The following MIPOL1 variants were observed in gnomAD, a reference collection of about 807,000 sequenced individuals.
MIPOL1 encodes the protein mirror-image polydactyly 1, also known as mirror-image polydactyly gene 1 protein.
Under a neutral mutation model 60.9 loss-of-function variants are expected in MIPOL1, and 57 were observed. The ratio of observed to expected loss-of-function variants is 0.94; its 90% CI spans 0.76 to 1.17. MIPOL1 has a LOEUF of 1.17. Ranked by LOEUF, MIPOL1 falls within the 50% of genes most tolerant of loss-of-function variation. MIPOL1 has a pLI of 0.00. For missense variants in MIPOL1, 551 were observed against 511.6 expected (o/e 1.08, Z -0.74); for synonymous variants, 179 against 168.8 (o/e 1.06, Z -0.47).
intron 10 of MIPOL1, among the ~76,000 whole-genome samples, chr14:37,405,150 T>A (rs2093562682): frequency 6.6e-6 from 1 of 152,180 alleles, no homozygotes; most frequent in Admixed American, 6.5e-5. Flanking sequence ...ATAAAATGGA[T>A]CAAAAGCATT....
intron 9 of MIPOL1, among the ~76,000 whole-genome samples, chr14:37,355,069 A>G (rs1313807756): frequency 1.4e-5 from 2 of 148,012 alleles, no homozygotes; most frequent in African/African-American, 2.5e-5. Flanking sequence ...CATGTTTAGC[A>G]CTTCCTTCAG....
intron 11 of MIPOL1, among the ~76,000 whole-genome samples, chr14:37,441,566 T>C (rs948089210): frequency 2.0e-5 from 3 of 152,100 alleles, no homozygotes; most frequent in African/African-American, 7.2e-5. Flanking sequence ...TCTTTCTGGG[T>C]TTTCTATTCT....
rs544316207 is a variant in MIPOL1, at chr14:37,533,983, G to T, written c.1263-12922G>T. ...ACGTCCCTTAATCTCAGCTACTTGG[G>T]AGGCTGAGGCAGGAGAGGTGCTTGA... On this transcript the variant is annotated intron_variant, in intron 12 of 12. Transcript: ENST00000684589. 3.9e-4 allele frequency among the ~76,000 whole-genome samples: 59 copies of T among 151,546 alleles called. 1 individual carries two copies. The highest frequency in any genetic ancestry group is 1.4e-3 in the African/African-American group (58 of 41,214).
intron 12 of MIPOL1, among the ~76,000 whole-genome samples, chr14:37,536,460 T>TA (rs2153638646): frequency 6.6e-6 from 1 of 152,328 alleles, no homozygotes; most frequent in South Asian, 2.1e-4. Flanking sequence ...TGTACTGTAA[T>TA]AAATTATAGA....
chr14:37,323,622 T>C (rs2088841806), intron 9 of MIPOL1, among the ~76,000 whole-genome samples: 1 of 152,060 alleles, frequency 6.6e-6, no homozygotes, highest in Non-Finnish European at 1.5e-5. Context: ...AGATAAAATT[T>C]ACATGCACAA....
At chr14:37,388,893 TCTC>T (rs1213540475) in intron 10 of MIPOL1, among the ~76,000 whole-genome samples, 1 of 152,092 alleles carries the variant, frequency 6.6e-6, no homozygotes, top group Non-Finnish European at 1.5e-5. Context: ...TTTTGTTTGC[TCTC>T]CTCTATGTAT....
intron 10 of MIPOL1, among the ~76,000 whole-genome samples, chr14:37,386,942 T>C (rs1302931966): frequency 6.6e-6 from 1 of 152,058 alleles, no homozygotes; most frequent in African/African-American, 2.4e-5. Context: ...GTTATCTCAT[T>C]TTTCCCAACA....
intron 12 of MIPOL1, among the ~76,000 whole-genome samples, chr14:37,511,468 C>T (rs2095327408): frequency 6.6e-6 from 1 of 152,184 alleles, no homozygotes; most frequent in East Asian, 1.9e-4. Context: ...GTAGGAAAAA[C>T]TTCTCTTAAT....
At chr14:37,394,056 G>GTATATATATATATATA (rs1566510779) in intron 10 of MIPOL1, among the ~76,000 whole-genome samples, 2 of 19,302 alleles carry the variant, frequency 1.0e-4, no homozygotes, top group African/African-American at 1.6e-4. Flanking sequence ...CTTAGTAGTG[G>GTATATATATATATATA]CATATATATA....
chr14:37,226,633 G>A (rs1392102285), intron 1 of MIPOL1, among the ~76,000 whole-genome samples: 2 of 152,132 alleles, frequency 1.3e-5, no homozygotes, highest in South Asian at 4.1e-4. Context: ...CTTTTGGGTG[G>A]GGACACAGCA....
chr14:37,292,891 G>A (rs184280601), intron 7 of MIPOL1, among the ~76,000 whole-genome samples: 1 of 152,302 alleles, frequency 6.6e-6, no homozygotes, highest in Non-Finnish European at 1.5e-5. Flanking sequence ...GGATGGGAAT[G>A]GAATTTGGTA....
At chr14:37,327,600 T>C (rs1231490330) in intron 9 of MIPOL1, among the ~76,000 whole-genome samples, 4 of 152,174 alleles carry the variant, frequency 2.6e-5, no homozygotes, top group Admixed American at 1.3e-4. Context: ...AAGCAGTCTT[T>C]AGCTGACAGT....
chr14:37,472,037 T>C (rs2153590348), intron 11 of MIPOL1, among the ~76,000 whole-genome samples: 1 of 152,304 alleles, frequency 6.6e-6, no homozygotes, highest in South Asian at 2.1e-4. Context: ...ACAGTAGGCA[T>C]GTACCAGCTG....
intron 11 of MIPOL1, among the ~76,000 whole-genome samples, chr14:37,485,534 G>A (rs1228008068): frequency 2.0e-5 from 3 of 152,102 alleles, no homozygotes; most frequent in African/African-American, 4.8e-5. Flanking sequence ...TCTAACTGGC[G>A]TGAGATGGTA....
intron 9 of MIPOL1, among the ~76,000 whole-genome samples, chr14:37,322,830 T>A (rs868570327): frequency 1.2e-4 from 19 of 152,256 alleles, no homozygotes; most frequent in African/African-American, 4.6e-4. Flanking sequence ...GGTTGTTTGT[T>A]TTTTCTTGTA....
chr14:37,448,416 T>C (rs916269180), intron 11 of MIPOL1, among the ~76,000 whole-genome samples: 7 of 152,234 alleles, frequency 4.6e-5, no homozygotes, highest in Non-Finnish European at 8.8e-5. Flanking sequence ...GTGCCCACAG[T>C]ATCACTAGCA....
intron 11 of MIPOL1, among the ~76,000 whole-genome samples, chr14:37,453,039 G>A (rs2094439751): frequency 6.6e-6 from 1 of 152,078 alleles, no homozygotes; most frequent in African/African-American, 2.4e-5. Context: ...ATGATGTTAG[G>A]ATGTGCATTT....
chr14:37,255,661 A>T (rs1431278996), intron 3 of MIPOL1, among the ~76,000 whole-genome samples: 1 of 151,790 alleles, frequency 6.6e-6, no homozygotes, highest in African/African-American at 2.4e-5. Flanking sequence ...GGGAATATGA[A>T]AAAACAAATT....
chr14:37,264,115 G>C (rs1286460886), intron 3 of MIPOL1, among the ~76,000 whole-genome samples: 1 of 152,104 alleles, frequency 6.6e-6, no homozygotes, highest in Non-Finnish European at 1.5e-5. Flanking sequence ...CTGGGCTGGA[G>C]AGTTTAGGGA....
Sources: gnomAD v4.1 joint callset for allele counts (sites outside exome capture counted in the v4.1 genomes callset) on GRCh38, gnomAD v4.1.1 for gene constraint, MANE v1.5 for transcripts, NCBI Gene and HGNC (gene_info 2026-07-23, HGNC 2026-07-21) for gene names.